Variants in NRG1 observed in about 807,000 individuals in gnomAD.
NRG1 encodes neuregulin 1.
Under a neutral mutation model 63.8 loss-of-function variants are expected in NRG1, and 18 were observed. The observed-to-expected ratio is 0.28, with a 90% CI of 0.19 to 0.42. The LOEUF (loss-of-function observed/expected upper bound fraction) is 0.42, where lower values mean the gene tolerates loss of function less well. Among genes scored for constraint, NRG1 ranks in the 10% least tolerant of loss-of-function variants. The pLI is 1.00. For synonymous variants in NRG1, 302 were observed against 301.3 expected (o/e 1.00, Z -0.02); for missense variants, 762 against 814.7 (o/e 0.94, Z 0.79).
chr8:32,293,098 C>A (rs868289703), intron 1 of NRG1, among the ~76,000 whole-genome samples: 1 of 146,572 alleles, frequency 6.8e-6, no homozygotes, highest in African/African-American at 2.5e-5. Flanking sequence ...AGTGAGACTA[C>A]GTCTAAAATA....
chr8:32,413,475 A>G (rs1468672931), intron 1 of NRG1, among the ~76,000 whole-genome samples: 1 of 152,186 alleles, frequency 6.6e-6, no homozygotes, highest in Non-Finnish European at 1.5e-5. Flanking sequence ...TCTATTCTGA[A>G]GCAGAAAAAG....
At chr8:32,023,647 G>A (rs1039540701) in intron 1 of NRG1, among the ~76,000 whole-genome samples, 2 of 151,996 alleles carry the variant, frequency 1.3e-5, no homozygotes, top group Admixed American at 6.6e-5. Context: ...AGAGGGAAGT[G>A]GTGCCTTGTC....
At chr8:31,701,729 A>G (rs911178136) in intron 1 of NRG1, among the ~76,000 whole-genome samples, 1 of 152,110 alleles carries the variant, frequency 6.6e-6, no homozygotes, top group Non-Finnish European at 1.5e-5. Context: ...CCTTTTTCCC[A>G]TCTCTCTATT....
chr8:31,728,786 C>T (rs2131342421), intron 1 of NRG1, among the ~76,000 whole-genome samples: 1 of 152,280 alleles, frequency 6.6e-6, no homozygotes, highest in East Asian at 1.9e-4. Context: ...GGTAATTTTT[C>T]ACAAATCCCA....
intron 1 of NRG1, among the ~76,000 whole-genome samples, chr8:31,758,967 ACT>A (rs1379994404): frequency 6.6e-6 from 1 of 152,066 alleles, no homozygotes; most frequent in Non-Finnish European, 1.5e-5. Flanking sequence ...TGTAGTAGTA[ACT>A]CACTGTGGTT....
At chr8:32,146,757 G>A (rs1836911108) in intron 1 of NRG1, among the ~76,000 whole-genome samples, 2 of 151,770 alleles carry the variant, frequency 1.3e-5, no homozygotes, top group African/African-American at 4.8e-5. Context: ...ATTTTTTGTT[G>A]TAATTGTTAA....
At chr8:32,406,182 T>C (rs1813946488) in intron 1 of NRG1, among the ~76,000 whole-genome samples, 1 of 152,154 alleles carries the variant, frequency 6.6e-6, no homozygotes, top group African/African-American at 2.4e-5. Context: ...AGTGCCCTCA[T>C]CTTAAATATA....
chr8:31,727,947 A>G (rs1485445545), intron 1 of NRG1, among the ~76,000 whole-genome samples: 1 of 152,176 alleles, frequency 6.6e-6, no homozygotes, highest in Non-Finnish European at 1.5e-5. Context: ...GATAACGCAG[A>G]CATCTCCTAG....
chr8:32,594,372 G>A (rs1461689386), intron 1 of NRG1, among the ~76,000 whole-genome samples: 2 of 152,102 alleles, frequency 1.3e-5, no homozygotes, highest in Non-Finnish European at 2.9e-5. Context: ...TGAGACTCAG[G>A]AAACAGAATT....
At chr8:32,083,181 T>G (rs776854472) in intron 1 of NRG1, among the ~76,000 whole-genome samples, 4 of 152,302 alleles carry the variant, frequency 2.6e-5, no homozygotes, top group Non-Finnish European at 5.9e-5. Flanking sequence ...TTATGAGAGC[T>G]TGTTAAAACA....
At chr8:32,508,342 G>A (rs1333051237) in intron 1 of NRG1, among the ~76,000 whole-genome samples, 5 of 151,740 alleles carry the variant, frequency 3.3e-5, no homozygotes, top group Non-Finnish European at 7.4e-5. Flanking sequence ...CCGGGCTGGA[G>A]TGTAGTGGTG....
chr8:32,287,911 T>A (rs1260409634), intron 1 of NRG1, among the ~76,000 whole-genome samples: 1 of 152,196 alleles, frequency 6.6e-6, no homozygotes, highest in Non-Finnish European at 1.5e-5. Flanking sequence ...AGCTGACAAT[T>A]TCTGAAGGAA....
At chr8:31,965,214 G>A (rs1806120156) in intron 1 of NRG1, among the ~76,000 whole-genome samples, 1 of 132,180 alleles carries the variant, frequency 7.6e-6, no homozygotes, top group Non-Finnish European at 1.6e-5. Context: ...ATATACAAGA[G>A]CAGATGTCTT....
intron 1 of NRG1, among the ~76,000 whole-genome samples, chr8:31,914,463 T>C (rs919532783): frequency 2.6e-5 from 4 of 151,834 alleles, no homozygotes; most frequent in South Asian, 2.1e-4. Flanking sequence ...TGAGAAAATA[T>C]AGAATTTAAT....
intron 1 of NRG1, among the ~76,000 whole-genome samples, chr8:32,509,542 G>T (rs1264963330): frequency 6.6e-6 from 1 of 152,246 alleles, no homozygotes; most frequent in African/African-American, 2.4e-5. Flanking sequence ...GTAGATTGAA[G>T]AGGAATTGGA....
intron 1 of NRG1, among the ~76,000 whole-genome samples, chr8:31,720,620 G>GT (rs950962377): frequency 2.0e-5 from 3 of 152,034 alleles, no homozygotes; most frequent in Non-Finnish European, 2.9e-5. Flanking sequence ...TAGGCAAACC[G>GT]TTTTTTTGTT....
chr8:32,525,196 A>G (rs1830702728), intron 1 of NRG1, among the ~76,000 whole-genome samples: 1 of 152,138 alleles, frequency 6.6e-6, no homozygotes, highest in African/African-American at 2.4e-5. Flanking sequence ...ATTTGAGCCA[A>G]AGCTAAGGAG....
chr8:31,978,216 G>C (rs1184074994), intron 1 of NRG1, among the ~76,000 whole-genome samples: 1 of 151,986 alleles, frequency 6.6e-6, no homozygotes, highest in Non-Finnish European at 1.5e-5. Flanking sequence ...TAGTTAGAAG[G>C]AAACCCTTGT....
At chr8:32,282,403 C>G (rs960266069) in intron 1 of NRG1, among the ~76,000 whole-genome samples, 8 of 152,184 alleles carry the variant, frequency 5.3e-5, no homozygotes, top group Non-Finnish European at 1.2e-4. Flanking sequence ...GTGTATGCAC[C>G]CTTCATTAGG....
Sources: gnomAD v4.1 joint callset for allele counts (sites outside exome capture counted in the v4.1 genomes callset) on GRCh38, gnomAD v4.1.1 for gene constraint, MANE v1.5 for transcripts, NCBI Gene and HGNC (gene_info 2026-07-23, HGNC 2026-07-21) for gene names.